MOB3A: variants seen among roughly 807,000 people sequenced by gnomAD.
MOB3A encodes MOB kinase activator 3A.
Under a neutral mutation model 17.8 loss-of-function variants are expected in MOB3A, and 17 were observed. That is an observed-to-expected ratio of 0.95 (90% CI 0.65 to 1.43). The LOEUF (loss-of-function observed/expected upper bound fraction) is 1.43. MOB3A is among the 40% of genes most tolerant of loss of function. The pLI is 0.00. For synonymous variants in MOB3A, 124 were observed against 133.2 expected (o/e 0.93, Z 0.48); for missense variants, 333 against 310.8 (o/e 1.07, Z -0.54).
Position 2,076,843 on chromosome 19 carries a change from C to T in MOB3A, c.592G>A (p.Gly198Ser). 6.2e-7 allele frequency: 1 copy of T among 1,613,944 alleles called. No individual in the cohort carries two copies. Among genetic ancestry groups the T allele is most frequent in the Non-Finnish European group, 8.5e-7 (1 of 1,180,014 alleles). ...TCCAGCTCCTTGGTGTCGATGAGGC[C>T]GAACTCCTTGACGAAATAGTAGAAG... ...KHFYYFVKEF[G>S]LIDTKELEPL... The change falls in exon 4 of 5, where the codon GGC (glycine) becomes AGC (serine). Residue 198 changes from glycine (G) to serine (S), a missense_variant. Gly to Ser is a moderately conservative substitution (Grantham distance 56). Coordinates refer to ENST00000357066, the MANE Select transcript of MOB3A (RefSeq NM_130807.3).
rs976863022 is a variant in MOB3A at position 2,076,856 on chromosome 19, G to A, written c.579C>T (p.Phe193=). 3.1e-6 allele frequency: 5 copies of A among 1,613,920 alleles called. No homozygotes were observed. The African/African-American group carries it at 6.7e-5, about 22-fold the overall frequency. The change falls in exon 4 of 5, where the codon TTC becomes TTT. Residue 193 remains phenylalanine (F), a synonymous_variant. Transcript: ENST00000357066. ...VNTCYKHFYY[F]VKEFGLIDTK... ...TGTCGATGAGGCCGAACTCCTTGAC[G>A]AAATAGTAGAAGTGCTTGTAGCAGG...
chr19:2,091,241 A>G (rs1240240940), intron 1 of MOB3A, among the ~76,000 whole-genome samples: 1 of 152,174 alleles, frequency 6.6e-6, no homozygotes, highest in Admixed American at 6.5e-5. Context: ...CTCTCAACCC[A>G]GAGGAGACTT....
intron 1 of MOB3A, among the ~76,000 whole-genome samples, chr19:2,086,188 C>T (rs1444475636): frequency 1.3e-5 from 2 of 150,820 alleles, no homozygotes; most frequent in Non-Finnish European, 3.0e-5. Context: ...CTACAGGTGC[C>T]CGCTACAACG....
At chr19:2,096,119 G>T (rs993518302) in intron 1 of MOB3A, 107 bp downstream of exon 1, 2 of 151,984 alleles carry the variant, frequency 1.3e-5, no homozygotes, top group Non-Finnish European at 2.9e-5. Flanking sequence ...CCGCCGCCAG[G>T]GTTCGCCCTT....
chr19:2,087,571 C>G (rs1403126257), intron 1 of MOB3A, among the ~76,000 whole-genome samples: 5 of 152,206 alleles, frequency 3.3e-5, no homozygotes, highest in Admixed American at 1.3e-4. Flanking sequence ...GGGAGGATTG[C>G]TTGAGCCCAG....
At chr19:2,089,394 C>T (rs145810461) in intron 1 of MOB3A, among the ~76,000 whole-genome samples, 12 of 152,256 alleles carry the variant, frequency 7.9e-5, no homozygotes, top group African/African-American at 2.9e-4. Context: ...CTGTGGACAT[C>T]GGCGTGGGTC....
chr19:2,074,169 C>T (rs1255819687), intron 4 of MOB3A, among the ~76,000 whole-genome samples: 3 of 152,094 alleles, frequency 2.0e-5, no homozygotes, highest in Admixed American at 1.3e-4. Context: ...TGGCACATGC[C>T]TGTAGTCCCA....
At chr19:2,092,493 G>T (rs1428548119) in intron 1 of MOB3A, among the ~76,000 whole-genome samples, 1 of 152,110 alleles carries the variant, frequency 6.6e-6, no homozygotes, top group Non-Finnish European at 1.5e-5. Flanking sequence ...AAAGGAAAAG[G>T]GGGTGAGGCG....
At position 2,071,866 on chromosome 19, in the gene MOB3A, G is replaced by A. The variant is rs1180048409; in HGVS notation, c.*1529C>T. The A allele has an allele frequency of 6.6e-6, 1 of 152,364 alleles. No individual in the cohort carries two copies. The highest frequency in any genetic ancestry group is 1.5e-5 in the Non-Finnish European group (1 of 68,160). The allele number at this position is 152,364 out of a possible 1,614,324, so 9.4% of individuals were successfully genotyped here. A position where few individuals can be genotyped will look rare whatever the true frequency, so the allele number is the denominator to read the frequency against. On this transcript the variant is annotated 3_prime_UTR_variant, in exon 5 of 5. Transcript: ENST00000357066. ...GTGGACATCGTTCCGAAGAGGCAGA[G>A]AGCTCACTATGTTATCGATAAAAAA...
chr19:2,075,443 G>A (rs537792580), intron 4 of MOB3A, among the ~76,000 whole-genome samples: 34 of 152,168 alleles, frequency 2.2e-4, no homozygotes, highest in Admixed American at 7.9e-4. Flanking sequence ...AGACCAGCCT[G>A]GGCATCATAG....
intron 2 of MOB3A, among the ~76,000 whole-genome samples, chr19:2,083,835 A>C (rs2017519729): frequency 6.6e-6 from 1 of 152,200 alleles, no homozygotes. Flanking sequence ...GCCTTCCAGC[A>C]GTGGTATTGC....
intron 4 of MOB3A, among the ~76,000 whole-genome samples, chr19:2,074,808 C>T (rs949825010): frequency 6.6e-6 from 1 of 152,040 alleles, no homozygotes; most frequent in African/African-American, 2.4e-5. Context: ...ACCTCTGCCT[C>T]CTGGGTTCAA....
At chr19:2,090,427 C>T (rs888196776) in intron 1 of MOB3A, among the ~76,000 whole-genome samples, 4 of 152,118 alleles carry the variant, frequency 2.6e-5, no homozygotes, top group African/African-American at 7.2e-5. Context: ...CAACACCGGA[C>T]GATGTCTGGG....
intron 1 of MOB3A, among the ~76,000 whole-genome samples, chr19:2,095,073 AG>A (rs1439593124): frequency 6.6e-6 from 1 of 152,206 alleles, no homozygotes; most frequent in Admixed American, 6.5e-5. Context: ...CAGGAGGCTG[AG>A]GCAGGAGGAT....
Position 2,073,410 on chromosome 19 carries a change from G to A in MOB3A, c.639C>T (p.Ala213=), listed in dbSNP as rs371364999. The A allele has an allele frequency of 6.2e-6, 10 of 1,613,676 alleles. No individual in the cohort carries two copies. The highest frequency in any genetic ancestry group is 1.1e-5 in the South Asian group (1 of 91,084). ...KELEPLKEMT[A]RMCH Reference sequence around the variant, plus strand: ...CGCGGGGCTCTCAGTGGCACATCCGGGCGGTCATTTCTTTCTGTAAAGAGC... The same window carrying A: ...CGCGGGGCTCTCAGTGGCACATCCGAGCGGTCATTTCTTTCTGTAAAGAGC... The change falls in exon 5 of 5, where the codon GCC becomes GCT. Residue 213 remains alanine (A), a synonymous_variant. Transcript: ENST00000357066.
intron 2 of MOB3A, among the ~76,000 whole-genome samples, chr19:2,083,930 C>T (rs1055461767): frequency 2.0e-5 from 3 of 152,176 alleles, no homozygotes; most frequent in African/African-American, 4.8e-5. Context: ...CACAGGCCCC[C>T]GCTTGTCTTT....
At chr19:2,083,822 G>A (rs966472169) in intron 2 of MOB3A, among the ~76,000 whole-genome samples, 1 of 152,212 alleles carries the variant, frequency 6.6e-6, no homozygotes, top group Non-Finnish European at 1.5e-5. Context: ...TTGGGCAGGC[G>A]GGGCCTTCCA....
Position 2,074,863 on chromosome 19 carries a change from G to A in MOB3A, c.625-1439C>T, listed in dbSNP as rs112965711. On this transcript the variant is annotated intron_variant, in intron 4 of 4. Coordinates refer to ENST00000357066, the MANE Select transcript of MOB3A (RefSeq NM_130807.3). Reference sequence around the variant, plus strand: ...CTCCCGAGTAGCTGGAATTACAGGCGCGTGCCACCATGCCCAGCTAATTTT... The same window carrying A: ...CTCCCGAGTAGCTGGAATTACAGGCACGTGCCACCATGCCCAGCTAATTTT... 7.0e-4 allele frequency among the ~76,000 whole-genome samples: 106 copies of A among 151,934 alleles called. 1 individual carries two copies. The highest frequency in any genetic ancestry group is 2.2e-3 in the African/African-American group (91 of 41,424).
rs766315791 is a variant in MOB3A at position 2,078,525 on chromosome 19, C to T, written c.36G>A (p.Lys12=). The change falls in exon 3 of 5, where the codon AAG becomes AAA. Residue 12 remains lysine, a synonymous_variant. Transcript: ENST00000357066. ...SNPFLKQVFN[K]DKTFRPKRKF... ...TGCGCTTGGGGCGGAATGTCTTGTC[C>T]TTGTTGAAGACTTGCTTCAGGAAGG... 1.2e-4 allele frequency: 189 copies of T among 1,590,858 alleles called. No homozygotes were observed. Among genetic ancestry groups the T allele is most frequent in the Non-Finnish European group, 1.6e-4 (182 of 1,164,794 alleles).
Sources: allele counts gnomAD v4.1 joint callset (sites outside exome capture counted in the v4.1 genomes callset), GRCh38; gene constraint gnomAD v4.1.1; transcripts MANE v1.5; gene names NCBI Gene and HGNC (gene_info 2026-07-23, HGNC 2026-07-21).